TEAD1: variants seen among roughly 807,000 people sequenced by gnomAD.
TEAD1 encodes TEA domain transcription factor 1.
TEAD1 carries 9 observed loss-of-function variants against 54.9 expected under a neutral mutation model. That is an observed-to-expected ratio of 0.16 (90% CI 0.10 to 0.29). The LOEUF (loss-of-function observed/expected upper bound fraction) is 0.29, where lower values mean the gene tolerates loss of function less well. Ranked by LOEUF, TEAD1 falls within the 10% of genes least tolerant of loss-of-function variation. The probability of loss-of-function intolerance (pLI) is 1.00; values close to 1 mark genes in which losing one functional copy is unlikely to be tolerated. For synonymous variants in TEAD1, 200 were observed against 187.8 expected, an observed-to-expected ratio of 1.07 and a Z score of -0.53; for missense variants, 387 against 535.9, an observed-to-expected ratio of 0.72 and a Z score of 2.74.
chr11:12,781,967 A>G (rs1464860379), intron 3 of TEAD1, among the ~76,000 whole-genome samples: 1 of 142,892 alleles, frequency 7.0e-6, no homozygotes, highest in African/African-American at 3.0e-5. Context: ...AAAAAAAAAA[A>G]AAAAGAAAGA....
chr11:12,779,208 T>C (rs191372330), intron 3 of TEAD1, among the ~76,000 whole-genome samples: 1 of 152,272 alleles, frequency 6.6e-6, no homozygotes, highest in East Asian at 1.9e-4. Flanking sequence ...TAAGATGACA[T>C]TGTTGATCTT....
At chr11:12,751,267 A>G (rs1944863097) in intron 2 of TEAD1, among the ~76,000 whole-genome samples, 2 of 144,980 alleles carry the variant, frequency 1.4e-5, no homozygotes, top group African/African-American at 2.6e-5. Context: ...ATGCCACTGT[A>G]TGTACTCCAA....
chr11:12,851,373 G>A (rs1485346421), intron 3 of TEAD1, among the ~76,000 whole-genome samples: 3 of 142,332 alleles, frequency 2.1e-5, no homozygotes, highest in Admixed American at 6.7e-5. Flanking sequence ...AACTATTGTC[G>A]TCACACACAA....
At chr11:12,726,462 G>A (rs1271282706) in intron 2 of TEAD1, among the ~76,000 whole-genome samples, 1 of 152,186 alleles carries the variant, frequency 6.6e-6, no homozygotes, top group Non-Finnish European at 1.5e-5. Context: ...CCAACCTTGT[G>A]CGCTATTCAG....
At chr11:12,715,476 C>T (rs1944037999) in intron 2 of TEAD1, among the ~76,000 whole-genome samples, 1 of 152,098 alleles carries the variant, frequency 6.6e-6, no homozygotes, top group African/African-American at 2.4e-5. Flanking sequence ...GGCTGGTTGC[C>T]TTCGTTTCAC....
At chr11:12,917,776 A>T (rs1252181311) in intron 10 of TEAD1, among the ~76,000 whole-genome samples, 1 of 152,130 alleles carries the variant, frequency 6.6e-6, no homozygotes, top group Non-Finnish European at 1.5e-5. Context: ...TCTAGAGCAA[A>T]CAGGGAGAAG....
chr11:12,923,519 C>T (rs998691402), intron 10 of TEAD1, among the ~76,000 whole-genome samples: 12 of 152,090 alleles, frequency 7.9e-5, no homozygotes, highest in East Asian at 3.9e-4. Flanking sequence ...TTTTTTTATC[C>T]GCAGCTCTGA....
chr11:12,715,467 G>A (rs923234204), intron 2 of TEAD1, among the ~76,000 whole-genome samples: 1 of 152,158 alleles, frequency 6.6e-6, no homozygotes, highest in African/African-American at 2.4e-5. Context: ...TTAGCCAAGG[G>A]CTGGTTGCCT....
At chr11:12,814,902 C>T (rs897780592) in intron 3 of TEAD1, among the ~76,000 whole-genome samples, 6 of 151,970 alleles carry the variant, frequency 3.9e-5, no homozygotes, top group East Asian at 3.9e-4. Context: ...CCGGAGCGCA[C>T]GCACCCATCA....
intron 2 of TEAD1, among the ~76,000 whole-genome samples, chr11:12,745,105 A>G (rs908293728): frequency 3.9e-5 from 6 of 152,246 alleles, no homozygotes; most frequent in African/African-American, 1.4e-4. Flanking sequence ...TGCTGGGGAA[A>G]GATGAGTCGA....
chr11:12,805,304 G>T (rs1053688156), intron 3 of TEAD1, among the ~76,000 whole-genome samples: 1 of 152,122 alleles, frequency 6.6e-6, no homozygotes, highest in African/African-American at 2.4e-5. Flanking sequence ...TTCTTTGGGG[G>T]CAGCTGAATA....
At chr11:12,932,932 A>T (rs768917618) in intron 12 of TEAD1, among the ~76,000 whole-genome samples, 6 of 151,466 alleles carry the variant, frequency 4.0e-5, no homozygotes, top group Admixed American at 6.6e-5. Flanking sequence ...ATATGTTTAG[A>T]TACAAAAAAT....
intron 3 of TEAD1, among the ~76,000 whole-genome samples, chr11:12,813,663 C>T (rs1185533544): frequency 1.3e-5 from 2 of 152,170 alleles, no homozygotes; most frequent in South Asian, 2.1e-4. Flanking sequence ...TCAGTGTGCA[C>T]CTTCTTTGCA....
chr11:12,922,737 T>G (rs1589992648), intron 10 of TEAD1: 1 of 151,890 alleles, frequency 6.6e-6, no homozygotes, highest in African/African-American at 2.4e-5. Flanking sequence ...GAGACCAGCC[T>G]GGGCACCAAG....
chr11:12,792,455 T>C (rs1471594007), intron 3 of TEAD1, among the ~76,000 whole-genome samples: 2 of 152,158 alleles, frequency 1.3e-5, no homozygotes, highest in African/African-American at 4.8e-5. Context: ...CTTTTCTCTT[T>C]AGTTTGCCTT....
chr11:12,883,350 C>T (rs962636981), intron 9 of TEAD1, among the ~76,000 whole-genome samples: 10 of 152,104 alleles, frequency 6.6e-5, no homozygotes, highest in South Asian at 2.1e-4. Flanking sequence ...TGTCCTGGAC[C>T]CCAAGGTGCT....
At chr11:12,809,849 C>T (rs1946255359) in intron 3 of TEAD1, among the ~76,000 whole-genome samples, 1 of 152,074 alleles carries the variant, frequency 6.6e-6, no homozygotes, top group African/African-American at 2.4e-5. Context: ...GAGCCCTGTG[C>T]CTGGCAAGTC....
chr11:12,918,083 T>C (rs1417674609), intron 10 of TEAD1, among the ~76,000 whole-genome samples: 2 of 152,202 alleles, frequency 1.3e-5, no homozygotes, highest in Non-Finnish European at 2.9e-5. Flanking sequence ...AAACTCATTT[T>C]CTTGCCTTCA....
chr11:12,760,632 A>G lies in TEAD1; in HGVS notation c.-54-3547A>G, dbSNP rs575420748. Among the ~76,000 whole-genome samples the G allele has an allele frequency of 2.2e-3, 330 of 152,302 alleles. 1 individual carries two copies. The highest frequency in any genetic ancestry group is 0.014 in the Middle Eastern group (4 of 294). On this transcript the variant is annotated intron_variant, in intron 2 of 12. Coordinates refer to ENST00000527636, the MANE Select transcript of TEAD1 (RefSeq NM_021961.6). ...GCATAATTCACTCATTTAGATTTTAATATTGATTATAATCAAGTGCTTGTT... is the reference window on the plus strand; with the variant it reads ...GCATAATTCACTCATTTAGATTTTAGTATTGATTATAATCAAGTGCTTGTT...
Sources: allele counts gnomAD v4.1 joint callset (sites outside exome capture counted in the v4.1 genomes callset), GRCh38; gene constraint gnomAD v4.1.1; transcripts MANE v1.5; gene names NCBI Gene and HGNC (gene_info 2026-07-23, HGNC 2026-07-21).